SMPD1: variants seen among roughly 807,000 people sequenced by gnomAD.
SMPD1 encodes the protein sphingomyelin phosphodiesterase 1.
Under a neutral mutation model 49.7 loss-of-function variants are expected in SMPD1, and 47 were observed. The ratio of observed to expected loss-of-function variants is 0.95; its 90% CI spans 0.75 to 1.21. SMPD1 has a LOEUF of 1.21. SMPD1 is among the 50% of genes most tolerant of loss of function. The pLI is 0.00. For missense variants in SMPD1, 811 were observed against 822.2 expected (o/e 0.99, Z 0.17); for synonymous variants, 336 against 339.6 (o/e 0.99, Z 0.12).
chr11:6,390,992 G>A (rs375321941), intron 1 of SMPD1, 76 bp downstream of exon 1: 18 of 1,559,616 alleles, frequency 1.2e-5, no homozygotes, highest in African/African-American at 4.1e-5. Context: ...ATGCTGGTGC[G>A]CTGGGCTCAG....
At chr11:6,393,188 T>G (rs750431864) in intron 2 of SMPD1, 28 bp from the exon 3 acceptor site, 1 of 1,607,754 alleles carries the variant, frequency 6.2e-7, no homozygotes, top group East Asian at 2.2e-5. Flanking sequence ...GGAACAAGTG[T>G]TGACCTCTCA....
In SMPD1 at chr11:6,394,506, C is replaced by T. The variant is rs138531908; in HGVS notation, c.1795C>T (p.Leu599Phe). Residue 599 changes from leucine to phenylalanine, a missense_variant, in exon 6 of 6, where the codon CTC becomes TTC. Physicochemically the swap from Leu to Phe is conservative, Grantham distance 22 (BLOSUM62 0). Coordinates refer to ENST00000342245, the MANE Select transcript of SMPD1 (RefSeq NM_000543.5). ...PCRLATLCAQ[L>F]SARADSPALC... ...CCGTCTGGCTACTCTTTGTGCCCAG[C>T]TCTCTGCCCGTGCTGACAGCCCTGC... 1 of 1,613,008 alleles carries T rather than the reference C, an allele frequency of 6.2e-7. No individual in the cohort carries two copies. The highest frequency in any genetic ancestry group is 8.5e-7 in the Non-Finnish European group (1 of 1,180,036).
rs372287825 is a variant in SMPD1, at chr11:6,393,230, A to G, written c.1106A>G (p.Tyr369Cys). ...CTTTGTTTCAGAATTGGGGGGTTCT[A>G]TGCTCTTTCCCCATACCCCGGTCTC... The part of the protein sequence containing the change: ...ALRTLRIGGF[Y>C]ALSPYPGLRL... Residue 369 changes from tyrosine (Y) to cysteine (C), a missense_variant, in exon 3 of 6, where the codon TAT becomes TGT. Coordinates refer to ENST00000342245, the MANE Select transcript of SMPD1 (RefSeq NM_000543.5). 5 of 1,613,782 alleles carry G rather than the reference A, an allele frequency of 3.1e-6. No individual in the cohort carries two copies. The African/African-American group carries it at 4.0e-5, about 13-fold the overall frequency.
At position 6,390,481 on chromosome 11, in the gene SMPD1, C is replaced by G. The variant is rs750731731; in HGVS notation, c.-118C>G. ...TGCGGCCGGCCGCGGAGCAGTCAGCCGACTACAGAGAAGGGTAATCGGGTG... is the reference window on the plus strand; with the variant it reads ...TGCGGCCGGCCGCGGAGCAGTCAGCGGACTACAGAGAAGGGTAATCGGGTG... On this transcript the variant is annotated 5_prime_UTR_variant, in exon 1 of 6. Coordinates refer to ENST00000342245, the MANE Select transcript of SMPD1 (RefSeq NM_000543.5). 1 of 1,521,238 alleles carries G rather than the reference C, an allele frequency of 6.6e-7. No individual in the cohort carries two copies. 94.2% of individuals were successfully genotyped at this position (1,521,238 alleles called of 1,614,324 possible).
chr11:6,393,626 A>G lies in SMPD1; in HGVS notation c.1273A>G (p.Ile425Val). The G allele has an allele frequency of 6.2e-7, 1 of 1,613,334 alleles. No individual in the cohort carries two copies. Among genetic ancestry groups the G allele is most frequent in the South Asian group, 1.1e-5 (1 of 91,068 alleles). The change falls in exon 4 of 6, where the codon ATT (isoleucine) becomes GTT (valine). Residue 425 changes from isoleucine (I) to valine (V), a missense_variant. By Grantham distance (29) the Ile-to-Val change is conservative. Coordinates refer to ENST00000342245, the MANE Select transcript of SMPD1 (RefSeq NM_000543.5). ...TAATTCTCCCTACTAGGTGCATATA[A>G]TTGGCCACATTCCCCCAGGGCACTG... is the stretch of plus-strand genomic sequence containing the variant. The part of the protein sequence containing the change: ...AEDRGDKVHI[I>V]GHIPPGHCLK...
chr11:6,393,444 G>T (rs1476687067), intron 3 of SMPD1, 57 bp downstream of exon 3: 1 of 1,562,472 alleles, frequency 6.4e-7, no homozygotes, highest in Non-Finnish European at 8.8e-7. Context: ...CTCCTGTTGA[G>T]CTGGAGCACC....
chr11:6,390,985 C>G, intron 1 of SMPD1, 69 bp downstream of exon 1: 1 of 1,571,168 alleles, frequency 6.4e-7, no homozygotes, highest in Non-Finnish European at 8.7e-7. Context: ...GGGGCTGATG[C>G]TGGTGCGCTG....
chr11:6,394,593 C>T lies in SMPD1; in HGVS notation c.1882C>T (p.Pro628Ser), dbSNP rs200332161. The change falls in exon 6 of 6, where the codon CCA (proline) becomes TCA (serine). Residue 628 changes from proline (P) to serine (S), a missense_variant. Transcript: ENST00000342245. The part of the protein sequence containing the change: ...LPEAQSLWPR[P>S]LFC ...AGAGGCCCAGAGCCTGTGGCCAAGG[C>T]CACTGTTTTGCTAGGGCCCCAGGGC... 2 of 1,602,828 alleles carry T rather than the reference C, an allele frequency of 1.2e-6. No individual in the cohort carries two copies. The highest frequency in any genetic ancestry group is 1.3e-5 in the African/African-American group (1 of 75,050).
rs768029083 is a variant in SMPD1 at position 6,394,640 on chromosome 11, A to G, written c.*33A>G. On this transcript the variant is annotated 3_prime_UTR_variant, in exon 6 of 6. Coordinates refer to ENST00000342245, the MANE Select transcript of SMPD1 (RefSeq NM_000543.5). ...GGGCCCACATTTGGGAAAGTTCTTG[A>G]TGTAGGAAAGGGTGAAAAAGCCCAA... The G allele has an allele frequency of 1.3e-6, 2 of 1,578,988 alleles. No individual in the cohort carries two copies. The highest frequency in any genetic ancestry group is 1.7e-6 in the Non-Finnish European group (2 of 1,162,308).
rs538195369 is a variant in SMPD1 at position 6,391,015 on chromosome 11, A to T, written c.318+99A>T. On this transcript the variant is annotated intron_variant, in intron 1 of 5. Transcript: ENST00000342245. ...GCGCTGGGCTCAGAATGCATCCCTG[A>T]TGGAGAGGGTGGCATCTACAATCCA... The T allele has an allele frequency of 2.8e-6, 4 of 1,450,614 alleles. No homozygotes were observed. In the East Asian group the frequency reaches 7.2e-5, roughly 26 times the overall value. 89.9% of individuals were successfully genotyped at this position (1,450,614 alleles called of 1,614,324 possible).
Position 6,390,590 on chromosome 11 carries a change from A to G in SMPD1, c.-9A>G. On this transcript the variant is annotated 5_prime_UTR_variant, in exon 1 of 6. Transcript: ENST00000342245. Reference sequence around the variant, plus strand: ...ACAGACGAACCAGCCCCGTGTAGGAAGCGCGACAATGCCCCGCTACGGAGC... The same window carrying G: ...ACAGACGAACCAGCCCCGTGTAGGAGGCGCGACAATGCCCCGCTACGGAGC... 6.2e-7 allele frequency: 1 copy of G among 1,611,126 alleles called. No individual in the cohort carries two copies. Among genetic ancestry groups the G allele is most frequent in the Non-Finnish European group, 8.5e-7 (1 of 1,179,234 alleles).
intron 2 of SMPD1, 117 bp from the exon 3 acceptor site, chr11:6,393,095 ACTGT>A (rs1365490734): frequency 2.5e-6 from 2 of 784,956 alleles, no homozygotes; most frequent in Non-Finnish European, 4.3e-6. Flanking sequence ...CTCTGGCTAG[ACTGT>A]GAGCTCCTTG....
rs781107025 is a variant in SMPD1, at chr11:6,392,103, G to A, written c.1038G>A (p.Ala346=). 9 of 1,614,126 alleles carry A rather than the reference G, an allele frequency of 5.6e-6. No homozygotes were observed. Among genetic ancestry groups the A allele is most frequent in the South Asian group, 1.1e-5 (1 of 91,080 alleles). Residue 346 remains alanine (A), a synonymous_variant, in exon 2 of 6, where the codon GCG becomes GCA. Transcript: ENST00000342245. ...GNHSSRWLYE[A]MAKAWEPWLP... ...ACTCCTCCCGCTGGCTCTATGAAGC[G>A]ATGGCCAAGGCTTGGGAGCCCTGGC...
rs398123475 is a variant in SMPD1, at chr11:6,393,652, T to G, written c.1299T>G (p.Cys433Trp). The G allele has an allele frequency of 2.5e-6, 4 of 1,613,856 alleles. No homozygotes were observed. Among genetic ancestry groups the G allele is most frequent in the Admixed American group, 3.3e-5 (2 of 59,992 alleles). The change falls in exon 4 of 6, where the codon TGT becomes TGG. Residue 433 changes from cysteine to tryptophan, a missense_variant. Transcript: ENST00000342245. ...TTGGCCACATTCCCCCAGGGCACTG[T>G]CTGAAGAGCTGGAGCTGGAATTATT... Reference protein sequence around the residue: ...HIIGHIPPGHCLKSWSWNYYR... With the variant: ...HIIGHIPPGHWLKSWSWNYYR...
chr11:6,391,108 G>A (rs892551836), intron 1 of SMPD1, among the ~76,000 whole-genome samples, 192 bp downstream of exon 1: 3 of 152,218 alleles, frequency 2.0e-5, no homozygotes, highest in Non-Finnish European at 4.4e-5. Context: ...TGTGACCTTT[G>A]TGAAGTAAGA....
chr11:6,391,622 C>CGT lies in SMPD1; in HGVS notation c.558_559insTG (p.Pro187CysfsTer71). 2 of 1,558,228 alleles carry CGT rather than the reference C, an allele frequency of 1.3e-6. No homozygotes were observed. The highest frequency in any genetic ancestry group is 2.7e-5 in the African/African-American group (2 of 73,496). On this transcript the variant is annotated frameshift_variant, in exon 2 of 6. Transcript: ENST00000342245. LOFTEE classifies it high-confidence loss of function. ...ATCTCTTTGCCTACTGTGCCGAAGC[C>CGT]GCCCCCCAAACCCCCTAGCCCCCCA... is the stretch of plus-strand genomic sequence containing the variant.
At position 6,394,892 on chromosome 11, in the gene SMPD1, G is replaced by A. The variant is rs928017026; in HGVS notation, c.*285G>A. On this transcript the variant is annotated 3_prime_UTR_variant, in exon 6 of 6. Coordinates refer to ENST00000342245, the MANE Select transcript of SMPD1 (RefSeq NM_000543.5). ...GACACTGCCCTGGGCAGACAAGACA[G>A]GAGCTGTCGCCCCAGGCCTGTGCTG... 28 of 508,530 alleles carry A rather than the reference G, an allele frequency of 5.5e-5. No homozygotes were observed. The highest frequency in any genetic ancestry group is 8.5e-5 in the Non-Finnish European group (24 of 281,498). The allele number at this position is 508,530 out of a possible 1,614,324, so 31.5% of individuals were successfully genotyped here. A position where few individuals can be genotyped will look rare whatever the true frequency, so the allele number is the denominator to read the frequency against.
chr11:6,393,197 CAT>C lies in SMPD1; in HGVS notation c.1092-18_1092-17del, dbSNP rs550015614. The C allele has an allele frequency of 2.2e-5, 36 of 1,611,876 alleles. No homozygotes were observed. Among genetic ancestry groups the C allele is most frequent in the Non-Finnish European group, 2.9e-5 (34 of 1,178,282 alleles). ...AGGATTGGAACAAGTGTTGACCTCTCATGTTTACTTTGTTTCAGAATTGGGGG... is the reference window on the plus strand; with the variant it reads ...AGGATTGGAACAAGTGTTGACCTCTCGTTTACTTTGTTTCAGAATTGGGGG... On this transcript the variant is annotated splice_polypyrimidine_tract_variant and intron_variant, in intron 2 of 5. Coordinates refer to ENST00000342245, the MANE Select transcript of SMPD1 (RefSeq NM_000543.5).
At position 6,394,280 on chromosome 11, in the gene SMPD1, G is replaced by C. The variant is rs1848085572; in HGVS notation, c.1569G>C (p.Leu523=). 2.5e-6 allele frequency: 4 copies of C among 1,614,188 alleles called. No homozygotes were observed. The highest frequency in any genetic ancestry group is 3.4e-6 in the Non-Finnish European group (4 of 1,180,028). The change falls in exon 6 of 6, where the codon CTG becomes CTC. Residue 523 remains leucine, a synonymous_variant. Transcript: ENST00000342245. ...VLDHETYILN[L]TQANIPGAIP... ...ACCATGAGACCTACATCCTGAATCT[G>C]ACCCAGGCAAACATACCGGGAGCCA...
Sources: gnomAD v4.1 joint callset for allele counts (sites outside exome capture counted in the v4.1 genomes callset) on GRCh38, gnomAD v4.1.1 for gene constraint, MANE v1.5 for transcripts, NCBI Gene and HGNC (gene_info 2026-07-23, HGNC 2026-07-21) for gene names.